The following ADAM11 variants were observed in gnomAD, a reference collection of about 807,000 sequenced individuals.
The protein encoded by ADAM11 is ADAM metallopeptidase domain 11, also known as disintegrin and metalloproteinase domain-containing protein 11.
A neutral mutation model predicts 119.1 loss-of-function variants in ADAM11; 49 were observed. The ratio of observed to expected loss-of-function variants is 0.41; its 90% CI spans 0.33 to 0.52. ADAM11 has a LOEUF of 0.52. ADAM11 is among the 20% of genes least tolerant of loss of function. The probability of loss-of-function intolerance (pLI) is 0.20; values close to 1 mark genes in which losing one functional copy is unlikely to be tolerated. For synonymous variants in ADAM11, 364 were observed against 408.0 expected, an observed-to-expected ratio of 0.89 and a Z score of 1.30; for missense variants, 777 against 1,047.5, an observed-to-expected ratio of 0.74 and a Z score of 3.56.
At position 44,778,186 on chromosome 17, in the gene ADAM11, T is replaced by C. The variant is rs2070605; in HGVS notation, c.2220T>C (p.Ile740=). 1,001,501 of 1,612,422 alleles carry C rather than the reference T, an allele frequency of 0.62. 313,298 individuals are homozygous for C. Among genetic ancestry groups the C allele is most frequent in the East Asian group, 0.8 (35,690 of 44,820 alleles). Reference sequence around the variant, plus strand: ...GCACCAACATCATCATTGGCTCCATTGCTGGGGCTGTCCTGGTTGCAGCCA... The same window carrying C: ...GCACCAACATCATCATTGGCTCCATCGCTGGGGCTGTCCTGGTTGCAGCCA... ...PSGTNIIIGS[I]AGAVLVAAIV... Residue 740 remains isoleucine, a synonymous_variant, in exon 25 of 27, where the codon ATT becomes ATC. Coordinates refer to ENST00000200557, the MANE Select transcript of ADAM11 (RefSeq NM_002390.6).
At chr17:44,768,786 C>T (rs536844876) in intron 2 of ADAM11, among the ~76,000 whole-genome samples, 20 of 152,340 alleles carry the variant, frequency 1.3e-4, no homozygotes, top group African/African-American at 4.6e-4. Context: ...GGCCAGGCAG[C>T]GAACAAAAGC....
In ADAM11 at chr17:44,775,087, G is replaced by T; in HGVS notation, c.1221-125G>T. On this transcript the variant is annotated intron_variant, in intron 14 of 26. Coordinates refer to ENST00000200557, the MANE Select transcript of ADAM11 (RefSeq NM_002390.6). The surrounding 1 kb of genome is among the most constrained non-coding windows in gnomAD (Gnocchi z 7.5). Reference sequence around the variant, plus strand: ...GCGGGAGGATTCTGGTGCAATCCCGGGGCAGATCCTCCGCCTCCTCGCGAT... The same window carrying T: ...GCGGGAGGATTCTGGTGCAATCCCGTGGCAGATCCTCCGCCTCCTCGCGAT... The T allele has an allele frequency of 1.2e-6, 1 of 866,376 alleles. No individual in the cohort carries two copies. The highest frequency in any genetic ancestry group is 2.0e-5 in the Admixed American group (1 of 49,782). 53.7% of individuals were successfully genotyped at this position (866,376 alleles called of 1,614,324 possible).
In ADAM11 at chr17:44,777,057, G is replaced by T; in HGVS notation, c.1681+95G>T. ...TCCAGCTGAACAGGCCCCCAAGTGT[G>T]TAGCTCCCCAGGATCTCAGGGACCC... On this transcript the variant is annotated intron_variant, in intron 20 of 26. Transcript: ENST00000200557. The surrounding 1 kb of genome is among the most constrained non-coding windows in gnomAD (Gnocchi z 5.1). 6.5e-7 allele frequency: 1 copy of T among 1,548,796 alleles called. No homozygotes were observed. The highest frequency in any genetic ancestry group is 8.8e-7 in the Non-Finnish European group (1 of 1,139,986).
At chr17:44,759,523 T>C in intron 1 of ADAM11, 199 bp from the exon 2 acceptor site, 1 of 1,243,368 alleles carries the variant, frequency 8.0e-7, no homozygotes, top group Non-Finnish European at 1.0e-6. Flanking sequence ...GGGGCAGTCG[T>C]GACGGTTGGG....
Position 44,780,558 on chromosome 17 carries a change from G to GC in ADAM11, c.*804_*805insC, listed in dbSNP as rs1387745912. 5.6e-5 allele frequency: 11 copies of GC among 195,936 alleles called. No individual in the cohort carries two copies. Among genetic ancestry groups the GC allele is most frequent in the Admixed American group, 2.5e-4 (4 of 16,224 alleles). The allele number at this position is 195,936 out of a possible 1,614,324, so 12.1% of individuals were successfully genotyped here. A position where few individuals can be genotyped will look rare whatever the true frequency, so the allele number is the denominator to read the frequency against. On this transcript the variant is annotated 3_prime_UTR_variant, in exon 27 of 27. Coordinates refer to ENST00000200557, the MANE Select transcript of ADAM11 (RefSeq NM_002390.6). ...AGGACACATGGATTTTGGCAGGGCG[G>GC]GGGGGGTTCTAGAAAATATAGTTCC...
chr17:44,769,650 G>T, intron 2 of ADAM11, 68 bp from the exon 3 acceptor site: 1 of 1,056,208 alleles, frequency 9.5e-7, no homozygotes, highest in Non-Finnish European at 1.5e-6. Flanking sequence ...TGTTGCTCCC[G>T]GGATCCCCCC....
intron 2 of ADAM11, among the ~76,000 whole-genome samples, chr17:44,768,948 G>T (rs563032898): frequency 6.6e-6 from 1 of 152,178 alleles, no homozygotes; most frequent in Non-Finnish European, 1.5e-5. Context: ...GTCCTCAAGC[G>T]CCCAGGCCTG....
At position 44,778,713 on chromosome 17, in the gene ADAM11, A is replaced by AAAAAAAAAAAAAG. The variant is rs71136047; in HGVS notation, c.2276+471_2276+472insAAAAAAAAAAAAG. 7.0e-3 allele frequency among the ~76,000 whole-genome samples: 563 copies of AAAAAAAAAAAAAG among 80,370 alleles called. 71 individuals carry two copies. The highest frequency in any genetic ancestry group is 0.011 in the African/African-American group (204 of 18,122). 52.7% of individuals were successfully genotyped at this position (80,370 alleles called of 152,430 possible). On this transcript the variant is annotated intron_variant, in intron 25 of 26. Transcript: ENST00000200557. ...CAAAAAAAAAAAAAAAAAAAAAAAA[A>AAAAAAAAAAAAAG]GAAAGAAAGAGAGAAAGAAAAGAAA...
Position 44,774,581 on chromosome 17 carries a change from A to G in ADAM11, c.1167A>G (p.Ala389=), listed in dbSNP as rs372246114. Residue 389 remains alanine, a splice_region_variant and synonymous_variant, in exon 13 of 27, where the codon GCA becomes GCG. Coordinates refer to ENST00000200557, the MANE Select transcript of ADAM11 (RefSeq NM_002390.6). ...GMMWNKHRSS[A]GDCKCPDIWL... Reference sequence around the variant, plus strand: ...TGTGGAACAAACACCGGAGCTCGGCAGGTATCCTCCCCCAGAGGCCCCCGT... The same window carrying G: ...TGTGGAACAAACACCGGAGCTCGGCGGGTATCCTCCCCCAGAGGCCCCCGT... 8 of 1,612,498 alleles carry G rather than the reference A, an allele frequency of 5.0e-6. No homozygotes were observed. The African/African-American group carries it at 1.1e-4, about 22-fold the overall frequency.
At position 44,777,503 on chromosome 17, in the gene ADAM11, C is replaced by G. The variant is rs759007226; in HGVS notation, c.1803C>G (p.Leu601=). 4.3e-6 allele frequency: 7 copies of G among 1,614,162 alleles called. No individual in the cohort carries two copies. The highest frequency in any genetic ancestry group is 5.9e-6 in the Non-Finnish European group (7 of 1,180,014). Residue 601 remains leucine, a synonymous_variant, in exon 22 of 27, where the codon CTC becomes CTG. Coordinates refer to ENST00000200557, the MANE Select transcript of ADAM11 (RefSeq NM_002390.6). The surrounding 1 kb of genome is among the most constrained non-coding windows in gnomAD (Gnocchi z 5.1). ...ACAGGGACGTGCTGTGTGGCTTCCT[C>G]CTCTGTGTCAACATCTCTGGAGCTC... ...CSKQDVLCGF[L]LCVNISGAPR... is the part of the protein sequence containing the mutation.
At chr17:44,779,389 A>AG (rs1323945073) in intron 26 of ADAM11, 150 bp downstream of exon 26, 1 of 1,453,188 alleles carries the variant, frequency 6.9e-7, no homozygotes, top group Non-Finnish European at 9.0e-7. Context: ...CTGTCCCGGC[A>AG]GGGGTGGGAG....
chr17:44,770,503 C>CCA (rs999575310), intron 4 of ADAM11, among the ~76,000 whole-genome samples: 3 of 135,012 alleles, frequency 2.2e-5, no homozygotes, highest in African/African-American at 8.4e-5. Flanking sequence ...CCCCCCCGCC[C>CCA]CCACTGCCTG....
At chr17:44,765,603 CTTT>C (rs1483644081) in intron 2 of ADAM11, among the ~76,000 whole-genome samples, 13 of 110,332 alleles carry the variant, frequency 1.2e-4, no homozygotes, top group African/African-American at 4.0e-4. Context: ...TTTTTCTTTT[CTTT>C]TCTCTTTTTT....
intron 2 of ADAM11, among the ~76,000 whole-genome samples, chr17:44,764,346 C>A (rs1448924195): frequency 1.3e-5 from 2 of 152,236 alleles, no homozygotes; most frequent in Non-Finnish European, 2.9e-5. Flanking sequence ...GAGTAAGGCT[C>A]ACCCCCAGCT....
In ADAM11 at chr17:44,772,498, G is replaced by T; in HGVS notation, c.678+32G>T. 1 of 1,552,212 alleles carries T rather than the reference G, an allele frequency of 6.4e-7. No homozygotes were observed. Among genetic ancestry groups the T allele is most frequent in the Non-Finnish European group, 8.7e-7 (1 of 1,148,426 alleles). On this transcript the variant is annotated intron_variant, in intron 8 of 26. Coordinates refer to ENST00000200557, the MANE Select transcript of ADAM11 (RefSeq NM_002390.6). The surrounding 1 kb of genome is among the most constrained non-coding windows in gnomAD (Gnocchi z 4.5). ...GGGCCCGCACAGACCTCGGGCTGCA[G>T]AGACCTCGGGCTGCAGAGAGACCTC... is the stretch of plus-strand genomic sequence containing the variant.
Position 44,769,972 on chromosome 17 carries a change from T to C in ADAM11, c.315-10T>C, listed in dbSNP as rs1434730016. The C allele has an allele frequency of 6.2e-7, 1 of 1,613,946 alleles. No individual in the cohort carries two copies. Among genetic ancestry groups the C allele is most frequent in the Admixed American group, 1.7e-5 (1 of 60,026 alleles). ...CGTGACCCCCCTTCCTGCTGCCCCC[T>C]CTGTCTCAGCCACCTCCTCTCCTCG... On this transcript the variant is annotated splice_polypyrimidine_tract_variant and intron_variant, in intron 3 of 26. Coordinates refer to ENST00000200557, the MANE Select transcript of ADAM11 (RefSeq NM_002390.6).
chr17:44,777,331 G>A lies in ADAM11; in HGVS notation c.1781+66G>A, dbSNP rs953762066. The A allele has an allele frequency of 3.9e-6, 6 of 1,548,258 alleles. No individual in the cohort carries two copies. In the African/African-American group the frequency reaches 6.8e-5, roughly 18 times the overall value. On this transcript the variant is annotated intron_variant, in intron 21 of 26. Transcript: ENST00000200557. The surrounding 1 kb of genome is among the most constrained non-coding windows in gnomAD (Gnocchi z 5.1). ...CAGGTGTGAGACTTTTCAGAGATGG[G>A]GCAGCAGGTTCTCCCAGGAGGAGCC...
Position 44,776,802 on chromosome 17 carries a change from T to C in ADAM11, c.1617+7T>C. On this transcript the variant is annotated splice_region_variant and intron_variant, in intron 19 of 26. Coordinates refer to ENST00000200557, the MANE Select transcript of ADAM11 (RefSeq NM_002390.6). This position sits in a 1 kb window ranked among gnomAD's most constrained non-coding sequence, Gnocchi z 5.2. ...CTACTGTGACCATGAGCAGGTATGA[T>C]GGCTGCCCCCTGAGCCTGGGATTCA... is the stretch of plus-strand genomic sequence containing the variant. 1 of 1,614,180 alleles carries C rather than the reference T, an allele frequency of 6.2e-7. No individual in the cohort carries two copies. The highest frequency in any genetic ancestry group is 1.1e-5 in the South Asian group (1 of 91,090).
Position 44,759,758 on chromosome 17 carries a change from G to C in ADAM11, c.98G>C (p.Trp33Ser). The C allele has an allele frequency of 7.5e-7, 1 of 1,325,620 alleles. No individual in the cohort carries two copies. 82.1% of individuals were successfully genotyped at this position (1,325,620 alleles called of 1,614,324 possible). ...CAAGGTCCTGCTGGAGCTCTGCGAT[G>C]GGGGGGCTTACCCCAGCTGGGAGGC... ...GTQGPAGALR[W>S]GGLPQLGGPG... Residue 33 changes from tryptophan (W) to serine (S), a missense_variant, in exon 2 of 27, where the codon TGG (tryptophan) becomes TCG (serine). Trp to Ser is a radical substitution (Grantham distance 177, BLOSUM62 -3). This residue lies in a region of ADAM11 where 278 missense variants were observed against 310.1 expected (regional missense o/e 0.90). Coordinates refer to ENST00000200557, the MANE Select transcript of ADAM11 (RefSeq NM_002390.6).
Sources: allele counts gnomAD v4.1 joint callset (sites outside exome capture counted in the v4.1 genomes callset), GRCh38; gene constraint gnomAD v4.1.1; regional missense constraint gnomAD v4.1.1; non-coding constraint Gnocchi (gnomAD v3.1); transcripts MANE v1.5; gene names NCBI Gene and HGNC (gene_info 2026-07-23, HGNC 2026-07-21).